GABRP: variants seen among roughly 807,000 people sequenced by gnomAD.
GABRP encodes the protein gamma-aminobutyric acid receptor subunit pi.
Under a neutral mutation model 47.8 loss-of-function variants are expected in GABRP, and 52 were observed. The observed-to-expected ratio is 1.09, with a 90% CI of 0.87 to 1.37. The LOEUF (loss-of-function observed/expected upper bound fraction) is 1.37. GABRP is among the 40% of genes most tolerant of loss of function. GABRP has a pLI of 0.00. For missense variants in GABRP, 525 were observed against 542.8 expected (o/e 0.97, Z 0.33); for synonymous variants, 221 against 205.8 (o/e 1.07, Z -0.63).
chr5:170,795,671 C>T (rs897509876), intron 5 of GABRP, among the ~76,000 whole-genome samples: 2 of 152,168 alleles, frequency 1.3e-5, no homozygotes, highest in Non-Finnish European at 2.9e-5. Context: ...CCTCAAGACA[C>T]GGACATGGAA....
chr5:170,810,209 T>C, intron 9 of GABRP: 3 of 442,162 alleles, frequency 6.8e-6, no homozygotes, highest in Non-Finnish European at 1.2e-5. Flanking sequence ...TTGGTGAGCA[T>C]ATTTTTCTGC....
chr5:170,806,013 G>A (rs566564944), intron 7 of GABRP, among the ~76,000 whole-genome samples, 160 bp downstream of exon 7: 35 of 152,270 alleles, frequency 2.3e-4, no homozygotes, highest in African/African-American at 7.9e-4. Flanking sequence ...TCCACACCCA[G>A]TATTAAAATG....
intron 1 of GABRP, among the ~76,000 whole-genome samples, chr5:170,784,291 G>GACAAGTTGGGGTTGGGGGTC (rs1460786113): frequency 2.0e-5 from 3 of 152,018 alleles, no homozygotes; most frequent in African/African-American, 7.3e-5. Flanking sequence ...AGCTGGAGGT[G>GACAAGTTGGGGTTGGGGGTC]ACAAGTTGGG....
chr5:170,812,187 TCCAAA>T lies in GABRP; in HGVS notation c.1254_1258del (p.Lys419ThrfsTer25). The T allele has an allele frequency of 6.2e-7, 1 of 1,614,094 alleles. No individual in the cohort carries two copies. The highest frequency in any genetic ancestry group is 8.5e-7 in the Non-Finnish European group (1 of 1,179,946). On this transcript the variant is annotated frameshift_variant, in exon 10 of 10. Coordinates refer to ENST00000265294, the MANE Select transcript of GABRP (RefSeq NM_014211.3). LOFTEE classifies it high-confidence loss of function. ...AAACCCCAGTAATGTTGATCACTAT[TCCAAA>T]CTACTGTTTCCTTTGATTTTTATGC...
chr5:170,806,357 T>C (rs944877420), intron 7 of GABRP, among the ~76,000 whole-genome samples: 3 of 152,236 alleles, frequency 2.0e-5, no homozygotes, highest in African/African-American at 4.8e-5. Flanking sequence ...TGATGTTATA[T>C]AAAAGCAGCT....
rs561834824 is a variant in GABRP at position 170,787,479 on chromosome 5, C to T, written c.-42-1095C>T. ...GGCCGGGCCCCTGGGCCATGCCCCACGGATGGTCCTCACATACACACCAGC... is the reference window on the plus strand; with the variant it reads ...GGCCGGGCCCCTGGGCCATGCCCCATGGATGGTCCTCACATACACACCAGC... On this transcript the variant is annotated intron_variant, in intron 1 of 9. Coordinates refer to ENST00000265294, the MANE Select transcript of GABRP (RefSeq NM_014211.3). 3.7e-3 allele frequency among the ~76,000 whole-genome samples: 556 copies of T among 152,292 alleles called. 2 individuals are homozygous for T. Among genetic ancestry groups the T allele is most frequent in the African/African-American group, 0.013 (531 of 41,572 alleles).
chr5:170,798,896 ATTAACTCG>A (rs1765509762), intron 6 of GABRP, among the ~76,000 whole-genome samples: 4 of 151,856 alleles, frequency 2.6e-5, no homozygotes, highest in Admixed American at 6.6e-5. Flanking sequence ...TGCTGCACCC[ATTAACTCG>A]TCATTTACAT....
intron 6 of GABRP, among the ~76,000 whole-genome samples, chr5:170,803,304 T>A (rs1158808647): frequency 6.6e-6 from 1 of 152,176 alleles, no homozygotes; most frequent in Non-Finnish European, 1.5e-5. Context: ...TTCCCAGTAG[T>A]CTTTGAAAAC....
chr5:170,797,852 G>C (rs1765472725), intron 6 of GABRP, among the ~76,000 whole-genome samples: 1 of 152,202 alleles, frequency 6.6e-6, no homozygotes, highest in Non-Finnish European at 1.5e-5. Context: ...ACAACGGCTG[G>C]TGTGCCCAAT....
At chr5:170,783,098 G>A (rs1765048128), upstream of GABRP, among the ~76,000 whole-genome samples, 1 of 152,144 alleles carries the variant, frequency 6.6e-6, no homozygotes, top group Non-Finnish European at 1.5e-5. Flanking sequence ...CAGGATGGGG[G>A]AAGGTGGAGG....
At position 170,812,559 on chromosome 5, in the gene GABRP, G is replaced by T. The variant is rs1225285016; in HGVS notation, c.*301G>T. The T allele has an allele frequency of 1.7e-5, 5 of 288,664 alleles. No homozygotes were observed. The highest frequency in any genetic ancestry group is 3.3e-5 in the Non-Finnish European group (5 of 153,626). 17.9% of individuals were successfully genotyped at this position (288,664 alleles called of 1,614,324 possible). A position where few individuals can be genotyped will look rare whatever the true frequency, so the allele number is the denominator to read the frequency against. Reference sequence around the variant, plus strand: ...AGGGCTGTTTATTCGGTGGCTCCCTGGTTTGCATTTACCTCATATAAAGAA... The same window carrying T: ...AGGGCTGTTTATTCGGTGGCTCCCTTGTTTGCATTTACCTCATATAAAGAA... On this transcript the variant is annotated 3_prime_UTR_variant, in exon 10 of 10. Coordinates refer to ENST00000265294, the MANE Select transcript of GABRP (RefSeq NM_014211.3).
intron 6 of GABRP, among the ~76,000 whole-genome samples, chr5:170,798,088 C>T (rs1765481635): frequency 1.3e-5 from 2 of 152,232 alleles, no homozygotes; most frequent in Non-Finnish European, 2.9e-5. Context: ...GTCGCCCAAG[C>T]TGGACTGTGG....
intron 4 of GABRP, 77 bp from the exon 5 acceptor site, chr5:170,795,131 G>C (rs912434739): frequency 1.9e-6 from 2 of 1,035,014 alleles, no homozygotes; most frequent in African/African-American, 3.2e-5. Flanking sequence ...AGTAAACTTT[G>C]ACCACTTTCC....
At chr5:170,803,336 A>T (rs1267745824) in intron 6 of GABRP, among the ~76,000 whole-genome samples, 1 of 152,236 alleles carries the variant, frequency 6.6e-6, no homozygotes, top group African/African-American at 2.4e-5. Flanking sequence ...ACCTTTATGT[A>T]TAAGATCACA....
chr5:170,787,599 T>C (rs1251653757), intron 1 of GABRP, among the ~76,000 whole-genome samples: 1 of 151,096 alleles, frequency 6.6e-6, no homozygotes, highest in East Asian at 2.0e-4. Context: ...CAGCCTGCTC[T>C]GAAGGAAGAG....
chr5:170,791,958 TGA>T (rs1429017100), intron 3 of GABRP, among the ~76,000 whole-genome samples: 1 of 151,966 alleles, frequency 6.6e-6, no homozygotes, highest in Non-Finnish European at 1.5e-5. Context: ...GGTGAGAGGG[TGA>T]GAGAGAGGAC....
rs1366868669 is a variant in GABRP at position 170,805,873 on chromosome 5, G to A, written c.679+20G>A. On this transcript the variant is annotated intron_variant, in intron 7 of 9. Coordinates refer to ENST00000265294, the MANE Select transcript of GABRP (RefSeq NM_014211.3). ...AGACAGGTAACTCATGTGACAAACT[G>A]TATGAAATAAAAATAAGTGAACTGA... 3.1e-6 allele frequency: 5 copies of A among 1,611,274 alleles called. No homozygotes were observed. The highest frequency in any genetic ancestry group is 1.3e-5 in the African/African-American group (1 of 74,952).
chr5:170,799,794 C>T (rs1765539531), intron 6 of GABRP, among the ~76,000 whole-genome samples: 1 of 152,106 alleles, frequency 6.6e-6, no homozygotes, highest in African/African-American at 2.4e-5. Flanking sequence ...AATTAGATCC[C>T]ATTTGTCAAT....
chr5:170,793,919 G>A (rs1223617792), intron 3 of GABRP, among the ~76,000 whole-genome samples: 2 of 152,058 alleles, frequency 1.3e-5, no homozygotes, highest in East Asian at 3.9e-4. Context: ...TGGGCAAGAA[G>A]AGTGAAACTC....
Sources: allele counts gnomAD v4.1 joint callset (sites outside exome capture counted in the v4.1 genomes callset), GRCh38; gene constraint gnomAD v4.1.1; transcripts MANE v1.5; gene names NCBI Gene and HGNC (gene_info 2026-07-23, HGNC 2026-07-21).